SETD7: variants seen among roughly 807,000 people sequenced by gnomAD.
The protein encoded by SETD7 is histone-lysine N-methyltransferase SETD7.
Under a neutral mutation model 41.8 loss-of-function variants are expected in SETD7, and 16 were observed. The ratio of observed to expected loss-of-function variants is 0.38; its 90% confidence interval spans 0.26 to 0.58. The LOEUF is 0.58. Ranked by LOEUF, SETD7 falls within the 20% of genes least tolerant of loss-of-function variation. The probability of loss-of-function intolerance (pLI) is 0.64; values close to 1 mark genes in which losing one functional copy is unlikely to be tolerated. For missense variants in SETD7, 346 were observed against 459.7 expected (o/e 0.75, Z 2.26); for synonymous variants, 163 against 169.7 (o/e 0.96, Z 0.31).
chr4:139,523,483 G>T, intron 4 of SETD7, 48 bp from the exon 5 acceptor site: 1 of 1,364,560 alleles, frequency 7.3e-7, no homozygotes, highest in Non-Finnish European at 1.0e-6. Context: ...TTAGGGAAGA[G>T]CATTTATAAC....
intron 3 of SETD7, 109 bp from the exon 4 acceptor site, chr4:139,529,329 G>A (rs1727417907): frequency 1.3e-6 from 1 of 797,278 alleles, no homozygotes; most frequent in South Asian, 2.1e-5. Flanking sequence ...CACCAGTAGG[G>A]ATAATAACAG....
intron 1 of SETD7, 79 bp downstream of exon 1, chr4:139,556,019 C>G: frequency 7.0e-7 from 1 of 1,428,404 alleles, no homozygotes; most frequent in African/African-American, 1.5e-5. Flanking sequence ...CCCGGCGCCG[C>G]GCTGTTCGCA....
chr4:139,542,171 T>C (rs1727797850), intron 2 of SETD7, among the ~76,000 whole-genome samples: 1 of 152,150 alleles, frequency 6.6e-6, no homozygotes, highest in African/African-American at 2.4e-5. Flanking sequence ...CTCATTTGTA[T>C]GTGGGGAATC....
rs201375662 is a variant in SETD7 at position 139,511,709 on chromosome 4, C to T, written c.1055G>A (p.Trp352Ter). 3.7e-5 allele frequency: 60 copies of T among 1,613,932 alleles called. No individual in the cohort carries two copies. Among genetic ancestry groups the T allele is most frequent in the Non-Finnish European group, 7.6e-6 (9 of 1,179,984 alleles). Residue 352 changes from tryptophan to a stop codon, truncating the protein, a stop_gained, in exon 8 of 8, where the codon TGG becomes TAG. Coordinates refer to ENST00000274031, the MANE Select transcript of SETD7 (RefSeq NM_030648.4). LOFTEE classifies it high-confidence loss of function. Reference sequence around the variant, plus strand: ...GAAGGCCTTCAGCTCCACCTGGTACCACTCAGGGGCTTCAGGCCCACTCTT... The same window carrying T: ...GAAGGCCTTCAGCTCCACCTGGTACTACTCAGGGGCTTCAGGCCCACTCTT... Reference protein sequence around the residue: ...PGKSGPEAPEWYQVELKAFQA... With the variant: ...PGKSGPEAPE
intron 7 of SETD7, among the ~76,000 whole-genome samples, chr4:139,498,084 T>G (rs1204857621): frequency 6.6e-6 from 1 of 152,212 alleles, no homozygotes; most frequent in East Asian, 1.9e-4. Flanking sequence ...AAGTGATTAC[T>G]TCATTCTTTC....
chr4:139,514,645 T>C (rs1190746700), intron 7 of SETD7, among the ~76,000 whole-genome samples: 1 of 152,206 alleles, frequency 6.6e-6, no homozygotes, highest in East Asian at 1.9e-4. Context: ...CTGGGAGGAC[T>C]GAATGAGACA....
intron 7 of SETD7, among the ~76,000 whole-genome samples, chr4:139,514,348 T>C (rs1424270824): frequency 6.6e-6 from 1 of 152,156 alleles, no homozygotes; most frequent in Non-Finnish European, 1.5e-5. Context: ...ACAGGTTGGT[T>C]AACCTCTGGT....
Position 139,509,737 on chromosome 4 carries a change from T to G in SETD7, c.*1926A>C. 1.0e-6 allele frequency: 1 copy of G among 985,466 alleles called. No individual in the cohort carries two copies. Among genetic ancestry groups the G allele is most frequent in the African/African-American group, 1.7e-5 (1 of 57,370 alleles). The allele number at this position is 985,466 out of a possible 1,614,324, so 61.0% of individuals were successfully genotyped here. On this transcript the variant is annotated 3_prime_UTR_variant, in exon 8 of 8. Transcript: ENST00000274031. ...AGAGGCCCTGGCCCATCCGTCACAGTGTATAGAACGGTCTCTTTCTACAGA... is the reference window on the plus strand; with the variant it reads ...AGAGGCCCTGGCCCATCCGTCACAGGGTATAGAACGGTCTCTTTCTACAGA...
intron 2 of SETD7, among the ~76,000 whole-genome samples, chr4:139,538,121 A>G (rs1304492450): frequency 1.3e-5 from 2 of 152,222 alleles, no homozygotes; most frequent in African/African-American, 4.8e-5. Context: ...AACTGCATTA[A>G]ATCTATTTTT....
chr4:139,535,609 C>T (rs1727617012), intron 2 of SETD7, among the ~76,000 whole-genome samples: 1 of 152,194 alleles, frequency 6.6e-6, no homozygotes, highest in Non-Finnish European at 1.5e-5. Context: ...GTGGCTTGTC[C>T]TAACCTCCCT....
At chr4:139,521,646 C>T (rs1226488821) in intron 5 of SETD7, among the ~76,000 whole-genome samples, 1 of 152,148 alleles carries the variant, frequency 6.6e-6, no homozygotes, top group Non-Finnish European at 1.5e-5. Flanking sequence ...CCTTGTAGTG[C>T]CTCCCTCAGG....
chr4:139,516,300 C>G (rs1336020277), intron 7 of SETD7, among the ~76,000 whole-genome samples: 4 of 151,258 alleles, frequency 2.6e-5, no homozygotes, highest in African/African-American at 9.7e-5. Flanking sequence ...ACCCCCATCT[C>G]TACAAAAATA....
intron 3 of SETD7, among the ~76,000 whole-genome samples, chr4:139,531,906 A>G (rs1727490837): frequency 6.6e-6 from 1 of 152,136 alleles, no homozygotes; most frequent in Non-Finnish European, 1.5e-5. Flanking sequence ...GTGCCTGGTC[A>G]ACATGGTGAA....
intron 2 of SETD7, among the ~76,000 whole-genome samples, chr4:139,535,425 T>C (rs754544874): frequency 2.0e-5 from 3 of 152,248 alleles, no homozygotes; most frequent in Non-Finnish European, 4.4e-5. Context: ...CTATTGACTT[T>C]GGACTCTCAG....
In SETD7 at chr4:139,508,391, CTTTT is replaced by C. The variant is rs1282039117; in HGVS notation, c.*3268_*3271del. ...AGACTCAAGAACTCCTCACTGCTTT[CTTTT>C]TGATCCCATCATTCCTTTGTGTCGG... On this transcript the variant is annotated 3_prime_UTR_variant, in exon 8 of 8. Transcript: ENST00000274031. 1 of 152,204 alleles carries C rather than the reference CTTTT, an allele frequency of 6.6e-6. No individual in the cohort carries two copies. The highest frequency in any genetic ancestry group is 1.5e-5 in the Non-Finnish European group (1 of 68,026). 9.4% of individuals were successfully genotyped at this position (152,204 alleles called of 1,614,324 possible). A position where few individuals can be genotyped will look rare whatever the true frequency, so the allele number is the denominator to read the frequency against.
At chr4:139,513,068 A>G (rs1579201774) in intron 7 of SETD7, among the ~76,000 whole-genome samples, 1 of 151,760 alleles carries the variant, frequency 6.6e-6, no homozygotes, top group East Asian at 1.9e-4. Context: ...TTATAGTCAT[A>G]TTTTGCACAA....
downstream of SETD7, among the ~76,000 whole-genome samples, chr4:139,505,187 A>G (rs1015085143): frequency 1.3e-5 from 2 of 152,194 alleles, no homozygotes; most frequent in African/African-American, 4.8e-5. Context: ...TGCCTCGTGT[A>G]GCCCTGCCAA....
intron 1 of SETD7, among the ~76,000 whole-genome samples, chr4:139,551,994 TTTTAA>T (rs1728122643): frequency 6.6e-6 from 1 of 152,236 alleles, no homozygotes; most frequent in Admixed American, 6.5e-5. Context: ...TTTTAAAATT[TTTTAA>T]TTTTTTAGGT....
rs558339634 is a variant in SETD7 at position 139,555,826 on chromosome 4, A to G, written c.40+272T>C. ...GTTTCGCAACTCCGAGGGTGGATGC[A>G]GGCTGTGGCCGGGCGGGATGGAGCG... is the stretch of plus-strand genomic sequence containing the variant. On this transcript the variant is annotated intron_variant, in intron 1 of 7. Coordinates refer to ENST00000274031, the MANE Select transcript of SETD7 (RefSeq NM_030648.4). The surrounding 1 kb of genome is among the most constrained non-coding windows in gnomAD (Gnocchi z 4.0). 1.7e-3 allele frequency among the ~76,000 whole-genome samples: 258 copies of G among 152,222 alleles called. 1 individual carries two copies. The Middle Eastern group carries it at 0.017, about 10-fold the overall frequency.
Sources: gnomAD v4.1 joint callset for allele counts (sites outside exome capture counted in the v4.1 genomes callset) on GRCh38, gnomAD v4.1.1 for gene constraint, Gnocchi (gnomAD v3.1) non-coding constraint, MANE v1.5 for transcripts, NCBI Gene and HGNC (gene_info 2026-07-23, HGNC 2026-07-21) for gene names.